GPR158: variants seen among roughly 807,000 people sequenced by gnomAD.
GPR158 encodes the protein G protein-coupled receptor 158.
Under a neutral mutation model 78.2 loss-of-function variants are expected in GPR158, and 30 were observed. The ratio of observed to expected loss-of-function variants is 0.38; its 90% CI spans 0.29 to 0.52. The LOEUF (loss-of-function observed/expected upper bound fraction) is 0.52. GPR158 is among the 20% of genes least tolerant of loss of function. The probability of loss-of-function intolerance (pLI) is 0.83; values close to 1 mark genes in which losing one functional copy is unlikely to be tolerated. For synonymous variants in GPR158, 581 were observed against 591.1 expected, an observed-to-expected ratio of 0.98 and a Z score of 0.25; for missense variants, 1,463 against 1,523.5, an observed-to-expected ratio of 0.96 and a Z score of 0.66.
At position 25,421,705 on chromosome 10, in the gene GPR158, A is replaced by G. The variant is rs147216129; in HGVS notation, c.1335+9232A>G. 8.9e-4 allele frequency among the ~76,000 whole-genome samples: 135 copies of G among 152,334 alleles called. 1 individual carries two copies. The East Asian group carries it at 0.018, about 20-fold the overall frequency. On this transcript the variant is annotated intron_variant, in intron 4 of 10. Coordinates refer to ENST00000376351, the MANE Select transcript of GPR158 (RefSeq NM_020752.3). ...ACATTACTTTAATTCTATTGAACTAATAAAATATCACATTATTAAAACAAT... is the reference window on the plus strand; with the variant it reads ...ACATTACTTTAATTCTATTGAACTAGTAAAATATCACATTATTAAAACAAT...
At chr10:25,241,357 T>C (rs117461379) in intron 2 of GPR158, among the ~76,000 whole-genome samples, 11,112 of 126,006 alleles carry the variant, frequency 0.088, 927 homozygotes, top group East Asian at 0.26. Flanking sequence ...TCTCTTTTCT[T>C]TTCTCTTTTC....
chr10:25,182,251 A>G (rs1020774930), intron 1 of GPR158, among the ~76,000 whole-genome samples: 2 of 152,212 alleles, frequency 1.3e-5, no homozygotes, highest in African/African-American at 4.8e-5. Context: ...CTGAGTTTAC[A>G]GGACTTAAGA....
chr10:25,234,801 C>A (rs369737101), intron 2 of GPR158, among the ~76,000 whole-genome samples: 2 of 152,168 alleles, frequency 1.3e-5, no homozygotes, highest in African/African-American at 4.8e-5. Flanking sequence ...GTACACTGAT[C>A]ATTTGGTAAG....
intron 4 of GPR158, among the ~76,000 whole-genome samples, chr10:25,460,646 T>C (rs1321275452): frequency 6.6e-6 from 1 of 152,198 alleles, no homozygotes; most frequent in Non-Finnish European, 1.5e-5. Context: ...TCTACCCTTT[T>C]CTCTGGAAAC....
chr10:25,374,337 A>G (rs888974024), intron 2 of GPR158, among the ~76,000 whole-genome samples: 4 of 151,612 alleles, frequency 2.6e-5, no homozygotes, highest in Non-Finnish European at 4.4e-5. Flanking sequence ...GTATTCCCCA[A>G]TGGTAACATC....
intron 5 of GPR158, among the ~76,000 whole-genome samples, chr10:25,487,999 T>G (rs1835756872): frequency 6.6e-6 from 1 of 152,160 alleles, no homozygotes; most frequent in Non-Finnish European, 1.5e-5. Context: ...AATGGAAGTA[T>G]TAGAATACCT....
At chr10:25,418,584 T>C (rs1017891699) in intron 4 of GPR158, among the ~76,000 whole-genome samples, 11 of 151,290 alleles carry the variant, frequency 7.3e-5, no homozygotes, top group Non-Finnish European at 1.3e-4. Flanking sequence ...TTTTAATTTA[T>C]TCTACATTTT....
chr10:25,204,818 GT>G lies in GPR158; in HGVS notation c.903-16216del, dbSNP rs1159106958. On this transcript the variant is annotated intron_variant, in intron 1 of 10. Coordinates refer to ENST00000376351, the MANE Select transcript of GPR158 (RefSeq NM_020752.3). ...GAGGTGTTCAAAGTAGTCTCTGAGG[GT>G]TTTTTTTTTTTTTTTTTGTCATTTC... Among the ~76,000 whole-genome samples the G allele has an allele frequency of 8.8e-3, 1,052 of 118,912 alleles. 4 individuals carry two copies. Among genetic ancestry groups the G allele is most frequent in the South Asian group, 0.013 (46 of 3,664 alleles). The allele number at this position is 118,912 out of a possible 152,430, so 78.0% of individuals were successfully genotyped here.
intron 1 of GPR158, among the ~76,000 whole-genome samples, chr10:25,216,224 G>A (rs1853211610): frequency 6.6e-6 from 1 of 152,200 alleles, no homozygotes; most frequent in Non-Finnish European, 1.5e-5. Flanking sequence ...GATGGCAGCT[G>A]ATCTACAGGC....
At chr10:25,380,769 C>A (rs1047767259) in intron 2 of GPR158, among the ~76,000 whole-genome samples, 2 of 152,022 alleles carry the variant, frequency 1.3e-5, no homozygotes, top group African/African-American at 4.8e-5. Context: ...TCAAGGAATG[C>A]AAATTTGAGA....
At chr10:25,469,426 A>G (rs770080002) in intron 5 of GPR158, among the ~76,000 whole-genome samples, 42 of 152,070 alleles carry the variant, frequency 2.8e-4, no homozygotes, top group Non-Finnish European at 4.6e-4. Flanking sequence ...CTAGTTACTC[A>G]GGCCAAAAGC....
intron 2 of GPR158, among the ~76,000 whole-genome samples, chr10:25,358,128 C>T (rs546868746): frequency 4.7e-4 from 71 of 152,178 alleles, no homozygotes; most frequent in African/African-American, 1.7e-3. Flanking sequence ...CCCAATGTCT[C>T]CCATTTACTA....
chr10:25,220,893 C>T (rs1188101978), intron 1 of GPR158, among the ~76,000 whole-genome samples, 159 bp from the exon 2 acceptor site: 1 of 152,184 alleles, frequency 6.6e-6, no homozygotes, highest in Non-Finnish European at 1.5e-5. Context: ...TTTTCCTATA[C>T]TGTGTGTCTT....
chr10:25,458,979 T>C (rs1835324120), intron 4 of GPR158, among the ~76,000 whole-genome samples: 1 of 152,200 alleles, frequency 6.6e-6, no homozygotes, highest in Non-Finnish European at 1.5e-5. Flanking sequence ...TTTTTAAATA[T>C]TTTATCACAG....
intron 4 of GPR158, among the ~76,000 whole-genome samples, chr10:25,419,075 T>C (rs1834709640): frequency 6.6e-6 from 1 of 152,134 alleles, no homozygotes; most frequent in African/African-American, 2.4e-5. Flanking sequence ...ATTTTTATTT[T>C]AGTAAAATTT....
intron 2 of GPR158, among the ~76,000 whole-genome samples, chr10:25,380,195 A>G (rs1834135825): frequency 6.6e-6 from 1 of 152,174 alleles, no homozygotes; most frequent in Non-Finnish European, 1.5e-5. Context: ...CTTAAGAAAT[A>G]GATTGTCACA....
chr10:25,254,273 G>C (rs1447833513), intron 2 of GPR158, among the ~76,000 whole-genome samples: 1 of 151,990 alleles, frequency 6.6e-6, no homozygotes, highest in Non-Finnish European at 1.5e-5. Context: ...CTTGATAAAA[G>C]TGTTTTTTCT....
chr10:25,505,092 C>T (rs1835993513), intron 5 of GPR158, among the ~76,000 whole-genome samples: 2 of 152,152 alleles, frequency 1.3e-5, no homozygotes, highest in Non-Finnish European at 2.9e-5. Context: ...TTAGATGATA[C>T]GTGTAAAACT....
chr10:25,572,926 T>C (rs1441702764), intron 7 of GPR158, 39 bp downstream of exon 7: 1 of 1,176,932 alleles, frequency 8.5e-7, no homozygotes, highest in South Asian at 1.2e-5. Flanking sequence ...TCTTACCATT[T>C]TTCAGTAGCA....
Sources: gnomAD v4.1 joint callset for allele counts (sites outside exome capture counted in the v4.1 genomes callset) on GRCh38, gnomAD v4.1.1 for gene constraint, MANE v1.5 for transcripts, NCBI Gene and HGNC (gene_info 2026-07-23, HGNC 2026-07-21) for gene names.